The following SERINC5 variants were observed in gnomAD, a reference collection of about 807,000 sequenced individuals.
SERINC5 encodes chromosome 5 open reading frame 12.
SERINC5 carries 41 observed loss-of-function variants against 63.1 expected under a neutral mutation model. The ratio of observed to expected loss-of-function variants is 0.65; its 90% CI spans 0.51 to 0.84. The LOEUF (loss-of-function observed/expected upper bound fraction) is 0.84, where lower values mean the gene tolerates loss of function less well. Among genes scored for constraint, SERINC5 ranks in the 40% least tolerant of loss-of-function variants. SERINC5 has a pLI of 0.00. For missense variants in SERINC5, 523 were observed against 573.0 expected (o/e 0.91, Z 0.89); for synonymous variants, 222 against 215.2 (o/e 1.03, Z -0.28).
chr5:80,191,971 G>C (rs1749218618), intron 2 of SERINC5, among the ~76,000 whole-genome samples: 2 of 152,190 alleles, frequency 1.3e-5, no homozygotes, highest in Non-Finnish European at 2.9e-5. Flanking sequence ...TAACACAGGA[G>C]TCAGCCAACG....
intron 1 of SERINC5, among the ~76,000 whole-genome samples, chr5:80,249,874 C>A (rs1752328375): frequency 6.6e-6 from 1 of 152,076 alleles, no homozygotes; most frequent in Admixed American, 6.6e-5. Context: ...AAATGTGGTT[C>A]TCTCTGGGTA....
chr5:80,162,125 G>A (rs963290415), intron 7 of SERINC5, among the ~76,000 whole-genome samples: 28 of 152,156 alleles, frequency 1.8e-4, no homozygotes, highest in Admixed American at 1.2e-3. Context: ...ATAATTTGAA[G>A]AAGGGACTCC....
Position 80,146,081 on chromosome 5 carries a change from G to A in SERINC5, c.1238+9C>T. 1 of 1,613,810 alleles carries A rather than the reference G, an allele frequency of 6.2e-7. No individual in the cohort carries two copies. Among genetic ancestry groups the A allele is most frequent in the Non-Finnish European group, 8.5e-7 (1 of 1,179,702 alleles). The stretch of plus-strand genomic sequence containing the variant: ...GCTTCAAAAATACCTAAGCAAATGG[G>A]CCACTCACTTGAACCAGTTGGTGAC... On this transcript the variant is annotated intron_variant, in intron 11 of 11. Transcript: ENST00000507668.
chr5:80,206,831 A>ATTG (rs1750190635), intron 1 of SERINC5, among the ~76,000 whole-genome samples: 1 of 91,594 alleles, frequency 1.1e-5, no homozygotes, highest in East Asian at 2.6e-4. Context: ...TTTTTTTTTT[A>ATTG]AGAGACAGAG....
chr5:80,237,586 C>T (rs974282147), intron 1 of SERINC5, among the ~76,000 whole-genome samples: 2 of 151,986 alleles, frequency 1.3e-5, no homozygotes, highest in African/African-American at 2.4e-5. Flanking sequence ...CCGCCCACCT[C>T]GGCCTCCCAA....
At chr5:80,124,213 C>T (rs138763715) in intron 11 of SERINC5, among the ~76,000 whole-genome samples, 25 of 152,276 alleles carry the variant, frequency 1.6e-4, no homozygotes, top group Admixed American at 9.8e-4. Context: ...ATAATTTTTG[C>T]CCCTACCTCC....
At chr5:80,153,076 C>T (rs73125978) in intron 8 of SERINC5, among the ~76,000 whole-genome samples, 2 of 152,042 alleles carry the variant, frequency 1.3e-5, no homozygotes, top group Non-Finnish European at 2.9e-5. Flanking sequence ...CATGGGGAAG[C>T]TTTTGATTTT....
intron 1 of SERINC5, among the ~76,000 whole-genome samples, chr5:80,217,454 T>C (rs961840024): frequency 1.3e-5 from 2 of 152,180 alleles, no homozygotes; most frequent in Non-Finnish European, 2.9e-5. Context: ...GATGCCCGTA[T>C]GCTCGGGGAT....
intron 5 of SERINC5, among the ~76,000 whole-genome samples, chr5:80,173,902 C>T (rs11746119): frequency 6.6e-6 from 1 of 152,044 alleles, no homozygotes; most frequent in South Asian, 2.1e-4. Context: ...TCTTTACACT[C>T]GACACCTAAA....
chr5:80,139,805 T>C lies in SERINC5; in HGVS notation c.*3858A>G, dbSNP rs1745392784. 2.0e-6 allele frequency: 2 copies of C among 985,450 alleles called. No individual in the cohort carries two copies. The highest frequency in any genetic ancestry group is 2.4e-6 in the Non-Finnish European group (2 of 829,952). 61.0% of individuals were successfully genotyped at this position (985,450 alleles called of 1,614,324 possible). On this transcript the variant is annotated 3_prime_UTR_variant, in exon 12 of 12. Transcript: ENST00000507668. ...AGGAGGGCCCAGTGTTCTTTCTGGGTGTGTAAGGTCTTACTTAGTTCAAGG... is the reference window on the plus strand; with the variant it reads ...AGGAGGGCCCAGTGTTCTTTCTGGGCGTGTAAGGTCTTACTTAGTTCAAGG...
At chr5:80,202,847 A>G (rs777447496) in intron 2 of SERINC5, 39 bp downstream of exon 2, 12 of 1,576,352 alleles carry the variant, frequency 7.6e-6, no homozygotes, top group African/African-American at 1.3e-5. Flanking sequence ...CCCTCATCAA[A>G]CATCGGAAAT....
Position 80,141,597 on chromosome 5 carries a change from G to A in SERINC5, c.*2066C>T, listed in dbSNP as rs1745510777. ...CAGGCTCTTTACCTGCTTCCCCTCAGGGTGTTTCCTAAAGACAACCCCCAA... is the reference window on the plus strand; with the variant it reads ...CAGGCTCTTTACCTGCTTCCCCTCAAGGTGTTTCCTAAAGACAACCCCCAA... On this transcript the variant is annotated 3_prime_UTR_variant, in exon 12 of 12. Coordinates refer to ENST00000507668, the MANE Select transcript of SERINC5 (RefSeq NM_001174072.3). 1.0e-6 allele frequency: 1 copy of A among 985,530 alleles called. No homozygotes were observed. The highest frequency in any genetic ancestry group is 1.1e-4 in the East Asian group (1 of 8,810). 61.0% of individuals were successfully genotyped at this position (985,530 alleles called of 1,614,324 possible).
intron 8 of SERINC5, among the ~76,000 whole-genome samples, chr5:80,152,177 C>CCCAAGGA (rs1276980823): frequency 2.0e-5 from 3 of 152,146 alleles, no homozygotes; most frequent in Non-Finnish European, 4.4e-5. Context: ...TGACTGCGCA[C>CCCAAGGA]CCAAGGAACA....
rs547244908 is a variant in SERINC5, at chr5:80,253,685, C to CA, written c.27+2210dup. Among the ~76,000 whole-genome samples, 132 of 152,320 alleles carry CA rather than the reference C, an allele frequency of 8.7e-4. 1 individual carries two copies. Among genetic ancestry groups the CA allele is most frequent in the African/African-American group, 3.1e-3 (127 of 41,590 alleles). ...AGTCTCAACTCCACAGGCATCTTCTCAGACTCCCTCGGCAACCCTCCTCAA... is the reference window on the plus strand; with the variant it reads ...AGTCTCAACTCCACAGGCATCTTCTCAAGACTCCCTCGGCAACCCTCCTCAA... On this transcript the variant is annotated intron_variant, in intron 1 of 11. Transcript: ENST00000507668.
chr5:80,159,177 A>T (rs747838995), intron 7 of SERINC5, among the ~76,000 whole-genome samples: 39 of 152,198 alleles, frequency 2.6e-4, no homozygotes, highest in Admixed American at 6.5e-5. Context: ...CATCCTTGGA[A>T]CAAGACCCTC....
At chr5:80,236,527 C>CT (rs770470139) in intron 1 of SERINC5, among the ~76,000 whole-genome samples, 1,611 of 143,618 alleles carry the variant, frequency 0.011, 11 homozygotes, top group Middle Eastern at 0.029. Flanking sequence ...AGTCCTAAAT[C>CT]TTTTTTTTTT....
intron 1 of SERINC5, among the ~76,000 whole-genome samples, chr5:80,204,688 C>T (rs1475646259): frequency 6.6e-6 from 1 of 151,812 alleles, no homozygotes; most frequent in Non-Finnish European, 1.5e-5. Flanking sequence ...CAGCTAAGAG[C>T]AAGAGAAGAA....
chr5:80,170,226 T>C (rs989987856), intron 5 of SERINC5, among the ~76,000 whole-genome samples: 1 of 152,320 alleles, frequency 6.6e-6, no homozygotes, highest in Admixed American at 6.5e-5. Context: ...ATTGTCAGTG[T>C]GAAATGTAAC....
Position 80,166,420 on chromosome 5 carries a change from G to A in SERINC5, c.822C>T (p.Leu274=), listed in dbSNP as rs1232315340. 39 of 1,595,212 alleles carry A rather than the reference G, an allele frequency of 2.4e-5. No individual in the cohort carries two copies. Among genetic ancestry groups the A allele is most frequent in the Non-Finnish European group, 3.2e-5 (37 of 1,170,822 alleles). Residue 274 remains leucine (L), a synonymous_variant, in exon 7 of 12, where the codon CTC becomes CTT. Coordinates refer to ENST00000507668, the MANE Select transcript of SERINC5 (RefSeq NM_001174072.3). ...GTTTGCTGGACAGAGCTGAGAAGGT[G>A]AGGTAGGTGACATAGCAGCTTATGA... ...SGVISCYVTY[L]TFSALSSKPA...
Sources: gnomAD v4.1 joint callset for allele counts (sites outside exome capture counted in the v4.1 genomes callset) on GRCh38, gnomAD v4.1.1 for gene constraint, MANE v1.5 for transcripts, NCBI Gene and HGNC (gene_info 2026-07-23, HGNC 2026-07-21) for gene names.